DCP1A: variants seen among roughly 807,000 people sequenced by gnomAD.
DCP1A encodes decapping mRNA 1A, also known as mRNA-decapping enzyme 1A.
DCP1A carries 20 observed loss-of-function variants against 58.0 expected under a neutral mutation model. The ratio of observed to expected loss-of-function variants is 0.34; its 90% CI spans 0.24 to 0.50. The LOEUF (loss-of-function observed/expected upper bound fraction) is 0.50, where lower values mean the gene tolerates loss of function less well. DCP1A is among the 20% of genes least tolerant of loss of function. The pLI, the probability that DCP1A is intolerant of heterozygous loss-of-function variation, is 0.98. For missense variants in DCP1A, 613 were observed against 712.2 expected (o/e 0.86, Z 1.59); for synonymous variants, 285 against 275.1 (o/e 1.04, Z -0.36).
At chr3:53,322,180 C>T (rs185756299) in intron 3 of DCP1A, among the ~76,000 whole-genome samples, 5 of 152,120 alleles carry the variant, frequency 3.3e-5, no homozygotes, top group East Asian at 1.9e-4. Context: ...CGGCTGGGCA[C>T]GGTGGCTCAT....
intron 1 of DCP1A, 104 bp downstream of exon 1, chr3:53,347,259 ACCCTGGCCTCGTCTCCACCG>A: frequency 8.1e-7 from 1 of 1,232,680 alleles, no homozygotes; most frequent in Non-Finnish European, 1.1e-6. Context: ...TCTTGGCCAG[ACCCTGGCCTCGTCTCCACCG>A]CCCTGGCCTC....
At chr3:53,294,325 T>G (rs566072024) in intron 6 of DCP1A, among the ~76,000 whole-genome samples, 3 of 152,062 alleles carry the variant, frequency 2.0e-5, no homozygotes, top group Non-Finnish European at 4.4e-5. Flanking sequence ...GGAGTTGGAA[T>G]GGAAGGAGTT....
At chr3:53,340,257 A>G (rs2089183230) in intron 3 of DCP1A, among the ~76,000 whole-genome samples, 1 of 152,180 alleles carries the variant, frequency 6.6e-6, no homozygotes, top group Admixed American at 6.5e-5. Context: ...ATTCAGTACA[A>G]AGAAAAGAGC....
In DCP1A at chr3:53,326,447, A is replaced by T. The variant is rs116373021; in HGVS notation, c.305-6974T>A. 7.3e-3 allele frequency among the ~76,000 whole-genome samples: 1,107 copies of T among 152,342 alleles called. 7 individuals are homozygous for T. Among genetic ancestry groups the T allele is most frequent in the Non-Finnish European group, 0.012 (817 of 68,024 alleles). On this transcript the variant is annotated intron_variant, in intron 3 of 9. Transcript: ENST00000610213. ...AAATACAGCTTCCAAAGTGTGGTGT[A>T]AATCAGGGGTCCCCAACCTCAGGGT...
At chr3:53,293,636 G>A in intron 6 of DCP1A, among the ~76,000 whole-genome samples, 1 of 152,126 alleles carries the variant, frequency 6.6e-6, no homozygotes, top group South Asian at 2.1e-4. Flanking sequence ...TAAAATGAGT[G>A]AATTAGTTGT....
chr3:53,333,891 T>G (rs1377671165), intron 3 of DCP1A, among the ~76,000 whole-genome samples: 2 of 152,194 alleles, frequency 1.3e-5, no homozygotes, highest in South Asian at 2.1e-4. Flanking sequence ...CTTTTTTGCT[T>G]GATAGCTGCC....
Position 53,316,887 on chromosome 3 carries a change from A to G in DCP1A, c.371+2520T>C, listed in dbSNP as rs532715261. 2.0e-4 allele frequency among the ~76,000 whole-genome samples: 31 copies of G among 151,844 alleles called. No homozygotes were observed. In the South Asian group the frequency reaches 5.4e-3, roughly 27 times the overall value. The stretch of plus-strand genomic sequence containing the variant: ...GCTTTCCATTTCTACTCCTAATCCT[A>G]TTTCTGGGTTCAATAAAATATTTTT... On this transcript the variant is annotated intron_variant, in intron 4 of 9. Transcript: ENST00000610213.
intron 5 of DCP1A, among the ~76,000 whole-genome samples, chr3:53,309,805 GTC>G (rs1707590397): frequency 1.3e-5 from 2 of 152,330 alleles, no homozygotes; most frequent in Middle Eastern, 3.4e-3. Flanking sequence ...TCATTCAAAA[GTC>G]TGAAATTTCG....
Position 53,288,127 on chromosome 3 carries a change from T to C in DCP1A, c.1606A>G (p.Arg536Gly). The change falls in exon 9 of 10, where the codon AGA (arginine) becomes GGA (glycine). Residue 536 changes from arginine to glycine, a missense_variant. Transcript: ENST00000610213. ...TTGCTGAGAATAATGGAAGGCTTTC[T>C]CTGACTTTCTGGCGTTCCAATAGTT... ...PLTIGTPESQRKPSIILSKSQ... is the reference protein window; with the variant it reads ...PLTIGTPESQGKPSIILSKSQ... 6.2e-7 allele frequency: 1 copy of C among 1,614,072 alleles called. No homozygotes were observed. The highest frequency in any genetic ancestry group is 1.1e-5 in the South Asian group (1 of 91,090).
chr3:53,284,097 T>C lies in DCP1A; in HGVS notation c.*3483A>G, dbSNP rs563217681. On this transcript the variant is annotated 3_prime_UTR_variant, in exon 10 of 10. Transcript: ENST00000610213. ...AGGGAGGCAAGAAAGAAAAACATAC[T>C]CTGCAGCAAACGTGCAGCCAGGATG... is the stretch of plus-strand genomic sequence containing the variant. 1 of 152,316 alleles carries C rather than the reference T, an allele frequency of 6.6e-6. No individual in the cohort carries two copies. Among genetic ancestry groups the C allele is most frequent in the East Asian group, 1.9e-4 (1 of 5,186 alleles). The allele number at this position is 152,316 out of a possible 1,614,324, so 9.4% of individuals were successfully genotyped here. A position where few individuals can be genotyped will look rare whatever the true frequency, so the allele number is the denominator to read the frequency against.
At position 53,342,253 on chromosome 3, in the gene DCP1A, A is replaced by G. The variant is rs569077159; in HGVS notation, c.195T>C (p.His65=). The G allele has an allele frequency of 3.1e-6, 5 of 1,601,792 alleles. No individual in the cohort carries two copies. The South Asian group carries it at 5.6e-5, about 18-fold the overall frequency. ...FVYRRSASPY[H]GFTIVNRLNM... ...TTAGTCGATTCACAATGGTAAAACC[A>G]TGGTAAGGGGAAGCTGACCTTAGAT... Residue 65 remains histidine (H), a synonymous_variant, in exon 3 of 10, where the codon CAT becomes CAC. Transcript: ENST00000610213.
intron 9 of DCP1A, 95 bp downstream of exon 9, chr3:53,287,970 G>T: frequency 7.8e-7 from 1 of 1,274,264 alleles, no homozygotes; most frequent in Non-Finnish European, 1.1e-6. Flanking sequence ...CTAGTCTTTT[G>T]AATTTACTTT....
Position 53,287,540 on chromosome 3 carries a change from C to T in DCP1A, c.*40G>A. 3 of 1,418,798 alleles carry T rather than the reference C, an allele frequency of 2.1e-6. No homozygotes were observed. Among genetic ancestry groups the T allele is most frequent in the Non-Finnish European group, 3.0e-6 (3 of 1,004,266 alleles). 87.9% of individuals were successfully genotyped at this position (1,418,798 alleles called of 1,614,324 possible). ...TTTCCATGATGAAGCCTATTTGTCT[C>T]TGAGGCTGGGGCTCTGCCTTTAGAC... is the stretch of plus-strand genomic sequence containing the variant. On this transcript the variant is annotated 3_prime_UTR_variant, in exon 10 of 10. Transcript: ENST00000610213.
chr3:53,287,767 A>G (rs1706696349), intron 9 of DCP1A, 107 bp from the exon 10 acceptor site: 1 of 786,390 alleles, frequency 1.3e-6, no homozygotes. Context: ...GATTTGTATA[A>G]CTGATAATCC....
chr3:53,321,694 G>A (rs1173687258), intron 3 of DCP1A, among the ~76,000 whole-genome samples: 1 of 152,132 alleles, frequency 6.6e-6, no homozygotes, highest in Non-Finnish European at 1.5e-5. Flanking sequence ...ACTGCAGCCT[G>A]GGCAACAAGA....
chr3:53,309,950 G>A (rs1296349264), intron 5 of DCP1A, among the ~76,000 whole-genome samples: 14 of 152,172 alleles, frequency 9.2e-5, no homozygotes, highest in South Asian at 2.1e-4. Context: ...CAAAGGGGCC[G>A]TCTGAAAAAA....
intron 4 of DCP1A, among the ~76,000 whole-genome samples, chr3:53,315,475 G>T (rs547669365): frequency 3.5e-5 from 5 of 144,294 alleles, no homozygotes; most frequent in Non-Finnish European, 7.5e-5. Context: ...GAGGGCGGAG[G>T]TTACAGTGAA....
chr3:53,335,122 T>C (rs888383507), intron 3 of DCP1A, among the ~76,000 whole-genome samples: 7 of 150,266 alleles, frequency 4.7e-5, no homozygotes, highest in South Asian at 2.1e-4. Context: ...CATGTGTATA[T>C]ATATATATTT....
chr3:53,287,796 A>G, intron 9 of DCP1A, 136 bp from the exon 10 acceptor site: 2 of 679,980 alleles, frequency 2.9e-6, no homozygotes, highest in Middle Eastern at 3.9e-4. Flanking sequence ...AGAGACAATC[A>G]TGATTAATAT....
Sources: gnomAD v4.1 joint callset for allele counts (sites outside exome capture counted in the v4.1 genomes callset) on GRCh38, gnomAD v4.1.1 for gene constraint, MANE v1.5 for transcripts, NCBI Gene and HGNC (gene_info 2026-07-23, HGNC 2026-07-21) for gene names.